Variants in ZPBP observed in about 807,000 individuals in gnomAD.
ZPBP encodes the protein zona pellucida binding protein, also known as zona pellucida-binding protein 1.
ZPBP carries 26 observed loss-of-function variants against 44.8 expected under a neutral mutation model. The ratio of observed to expected loss-of-function variants is 0.58; its 90% CI spans 0.43 to 0.81. The LOEUF (loss-of-function observed/expected upper bound fraction) is 0.81. Ranked by LOEUF, ZPBP falls within the 30% of genes least tolerant of loss-of-function variation. The probability of loss-of-function intolerance (pLI) is 0.00; values close to 1 mark genes in which losing one functional copy is unlikely to be tolerated. For missense variants in ZPBP, 409 were observed against 434.0 expected, an observed-to-expected ratio of 0.94 and a Z score of 0.51; for synonymous variants, 174 against 153.2, an observed-to-expected ratio of 1.14 and a Z score of -1.00.
chr7:50,074,956 T>C (rs924110029), intron 3 of ZPBP, among the ~76,000 whole-genome samples: 3 of 151,898 alleles, frequency 2.0e-5, no homozygotes, highest in Non-Finnish European at 4.4e-5. Flanking sequence ...ATCTAAGAGC[T>C]GCAGAATACA....
At chr7:50,033,940 G>C (rs1182490816) in intron 4 of ZPBP, among the ~76,000 whole-genome samples, 1 of 151,922 alleles carries the variant, frequency 6.6e-6, no homozygotes, top group Non-Finnish European at 1.5e-5. Context: ...TGATCCACTT[G>C]CCTCGGCCTC....
the ZPBP span, among the ~76,000 whole-genome samples, chr7:49,842,633 G>A: frequency 2.6e-5 from 4 of 152,178 alleles, no homozygotes; most frequent in Non-Finnish European, 5.9e-5. Flanking sequence ...GGAATTGTCT[G>A]TATACTTGCA....
intron 7 of ZPBP, among the ~76,000 whole-genome samples, chr7:49,952,605 T>C (rs1405601174): frequency 1.3e-5 from 2 of 152,004 alleles, no homozygotes; most frequent in Non-Finnish European, 2.9e-5. Context: ...TGGAGGGATC[T>C]ATATAACTAG....
At chr7:50,017,384 G>C (rs151125906) in intron 6 of ZPBP, among the ~76,000 whole-genome samples, 1 of 152,240 alleles carries the variant, frequency 6.6e-6, no homozygotes, top group East Asian at 1.9e-4. Flanking sequence ...AAGCGATGGG[G>C]ATGGGGGACT....
chr7:50,023,175 A>G (rs1286622446), intron 5 of ZPBP, among the ~76,000 whole-genome samples: 27 of 152,058 alleles, frequency 1.8e-4, no homozygotes, highest in Admixed American at 1.8e-3. Context: ...GAAGGGAAAT[A>G]CCAAATTCAA....
intron 3 of ZPBP, among the ~76,000 whole-genome samples, chr7:50,076,664 A>T (rs1217140823): frequency 6.6e-6 from 1 of 151,808 alleles, no homozygotes; most frequent in Non-Finnish European, 1.5e-5. Flanking sequence ...CCACACATAA[A>T]ATTAAACATC....
At chr7:49,942,065 C>A (rs1213977147) in intron 7 of ZPBP, among the ~76,000 whole-genome samples, 1 of 152,034 alleles carries the variant, frequency 6.6e-6, no homozygotes, top group African/African-American at 2.4e-5. Flanking sequence ...ACACAGACAA[C>A]TAAATGAAGT....
At chr7:49,982,166 ATTATAT>A (rs1312395687) in intron 7 of ZPBP, among the ~76,000 whole-genome samples, 2 of 26,768 alleles carry the variant, frequency 7.5e-5, no homozygotes, top group East Asian at 3.7e-3. Context: ...TATAATATAT[ATTATAT>A]ATATATAATT....
At chr7:50,091,294 G>C (rs1454294041) in intron 1 of ZPBP, among the ~76,000 whole-genome samples, 1 of 152,118 alleles carries the variant, frequency 6.6e-6, no homozygotes, top group African/African-American at 2.4e-5. Context: ...TGTTTACTCT[G>C]CTGACTGTTC....
rs373125758 is a variant in ZPBP at position 49,892,708 on chromosome 7, C to T, written n.509+8410G>A. Among the ~76,000 whole-genome samples the T allele has an allele frequency of 2.5e-4, 38 of 152,308 alleles. No individual in the cohort carries two copies. In the South Asian group the frequency reaches 7.9e-3, roughly 32 times the overall value. On this transcript the variant is annotated intron_variant and non_coding_transcript_variant, in intron 2 of 2. Coordinates refer to the ZPBP transcript ENST00000465922. ...GCTTGTGCAAGCCCCAGGGATCTGC[C>T]TCTCAGTTCTGCATATTGTGTGCAA...
At chr7:49,911,480 CAAAAAAAA>C (rs34782644) in intron 1 of ZPBP, among the ~76,000 whole-genome samples, 3 of 71,632 alleles carry the variant, frequency 4.2e-5, no homozygotes, top group Non-Finnish European at 7.4e-5. Context: ...GACTCTGTCT[CAAAAAAAA>C]AAAAAAAAAA....
intron 3 of ZPBP, among the ~76,000 whole-genome samples, chr7:50,068,614 G>A (rs188013750): frequency 1.3e-3 from 196 of 152,130 alleles, no homozygotes; most frequent in Admixed American, 2.7e-3. Flanking sequence ...TTCTCTTTCC[G>A]TAAGGGTTGC....
At chr7:49,875,914 T>C (rs1481135932) in intron 2 of ZPBP, among the ~76,000 whole-genome samples, 5 of 152,182 alleles carry the variant, frequency 3.3e-5, no homozygotes, top group African/African-American at 1.2e-4. Context: ...TGATATCTAA[T>C]AAATAGTGGT....
At chr7:49,845,653 C>T (rs1211911716), downstream of ZPBP, among the ~76,000 whole-genome samples, 1 of 151,202 alleles carries the variant, frequency 6.6e-6, no homozygotes, top group Non-Finnish European at 1.5e-5. Flanking sequence ...TTTAAAATAC[C>T]AACCTTCGGT....
intron 2 of ZPBP, among the ~76,000 whole-genome samples, chr7:49,900,154 T>C (rs1792635602): frequency 6.6e-6 from 1 of 151,710 alleles, no homozygotes; most frequent in Non-Finnish European, 1.5e-5. Context: ...TAAATAAAAA[T>C]ATATGTGTGG....
rs1792362932 is a variant in ZPBP at position 49,895,858 on chromosome 7, G to T, written n.509+5260C>A. Among the ~76,000 whole-genome samples the T allele has an allele frequency of 1.3e-5, 2 of 152,120 alleles. 1 individual carries two copies. The highest frequency in any genetic ancestry group is 1.3e-4 in the Admixed American group (2 of 15,268). The stretch of plus-strand genomic sequence containing the variant: ...CTCCCACTTAATAATGAAGTTAAAT[G>T]TATGGGAGGTTACTTGCATTGAGTA... On this transcript the variant is annotated intron_variant and non_coding_transcript_variant, in intron 2 of 2. Coordinates refer to the ZPBP transcript ENST00000465922.
chr7:50,057,013 A>T (rs1422395116), intron 4 of ZPBP, among the ~76,000 whole-genome samples: 3 of 151,926 alleles, frequency 2.0e-5, no homozygotes, highest in African/African-American at 7.3e-5. Context: ...GTGAAACCCC[A>T]TCTCTACCAA....
chr7:50,010,908 CAAAAAAAA>C (rs71554292), intron 6 of ZPBP, among the ~76,000 whole-genome samples: 15 of 92,434 alleles, frequency 1.6e-4, no homozygotes, highest in Non-Finnish European at 2.5e-4. Context: ...CAAGACCAAG[CAAAAAAAA>C]AAAAAAAAAA....
chr7:50,064,008 T>C (rs1202853564), intron 3 of ZPBP, among the ~76,000 whole-genome samples: 3 of 152,212 alleles, frequency 2.0e-5, no homozygotes, highest in Non-Finnish European at 4.4e-5. Context: ...TTCATTATCT[T>C]TCCAGTCTCT....
Sources: gnomAD v4.1 joint callset for allele counts (sites outside exome capture counted in the v4.1 genomes callset) on GRCh38, gnomAD v4.1.1 for gene constraint, MANE v1.5 for transcripts, NCBI Gene and HGNC (gene_info 2026-07-23, HGNC 2026-07-21) for gene names.